Variants in ENOX1 observed in about 807,000 individuals in gnomAD.
ENOX1 encodes ecto-NOX disulfide-thiol exchanger 1.
A neutral mutation model predicts 82.5 loss-of-function variants in ENOX1; 42 were observed. That is an observed-to-expected ratio of 0.51 (90% CI 0.40 to 0.66). The LOEUF is 0.66. Among genes scored for constraint, ENOX1 ranks in the 30% least tolerant of loss-of-function variants. ENOX1 has a pLI of 0.00. For synonymous variants in ENOX1, 271 were observed against 282.2 expected, an observed-to-expected ratio of 0.96 and a Z score of 0.40; for missense variants, 608 against 811.6, an observed-to-expected ratio of 0.75 and a Z score of 3.05.
intron 11 of ENOX1, among the ~76,000 whole-genome samples, chr13:43,300,107 C>T (rs142488523): frequency 2.9e-3 from 440 of 152,270 alleles, no homozygotes; most frequent in African/African-American, 9.3e-3. Flanking sequence ...TCAGACAGAA[C>T]ATGCAATTAC....
In ENOX1 at chr13:43,269,555, T is replaced by C; in HGVS notation, c.1469A>G (p.Glu490Gly). The C allele has an allele frequency of 6.2e-7, 1 of 1,613,854 alleles. No individual in the cohort carries two copies. The highest frequency in any genetic ancestry group is 8.5e-7 in the Non-Finnish European group (1 of 1,179,764). Residue 490 changes from glutamate (E) to glycine (G), a missense_variant, in exon 13 of 17, where the codon GAG (glutamate) becomes GGG (glycine). Physicochemically the swap from Glu to Gly is moderately conservative, Grantham distance 98 (BLOSUM62 -2). Coordinates refer to ENST00000690772, the MANE Select transcript of ENOX1 (RefSeq NM_001347969.2). ...CAATTCTGACTTTTTGTTGTTTAAC[T>C]CCTCCTGGATGGTTAGCAATTGCTG... ...MQQQLLTIQE[E>G]LNNKKSELEQ...
At position 43,224,109 on chromosome 13, in the gene ENOX1, G is replaced by T. The variant is rs2041921239; in HGVS notation, c.1744C>A (p.Pro582Thr). Residue 582 changes from proline to threonine, a missense_variant, in exon 16 of 17, where the codon CCT (proline) becomes ACT (threonine). Physicochemically the swap from Pro to Thr is conservative, Grantham distance 38 (BLOSUM62 -1). Coordinates refer to ENST00000690772, the MANE Select transcript of ENOX1 (RefSeq NM_001347969.2). The part of the protein sequence containing the change: ...GIISTFLHVH[P>T]FGANIEYLWS... ...AGATATTCTATGTTGGCTCCAAAAG[G>T]ATGGACGTGAAGAAACGTTGATATG... 6.2e-7 allele frequency: 1 copy of T among 1,613,870 alleles called. No homozygotes were observed. The highest frequency in any genetic ancestry group is 1.3e-5 in the African/African-American group (1 of 74,916).
intron 11 of ENOX1, among the ~76,000 whole-genome samples, chr13:43,309,617 CCA>C (rs1338528994): frequency 6.6e-6 from 1 of 152,178 alleles, no homozygotes; most frequent in East Asian, 1.9e-4. Flanking sequence ...CTTTTTATCC[CCA>C]GAGTTCGAGT....
At chr13:43,461,807 T>C (rs959691939) in intron 3 of ENOX1, among the ~76,000 whole-genome samples, 8 of 152,230 alleles carry the variant, frequency 5.3e-5, no homozygotes, top group African/African-American at 1.7e-4. Flanking sequence ...TTTTGAGCCA[T>C]GCAAACTGTA....
intron 14 of ENOX1, among the ~76,000 whole-genome samples, chr13:43,257,786 T>C (rs774243200): frequency 1.3e-5 from 2 of 152,258 alleles, no homozygotes; most frequent in Admixed American, 6.5e-5. Flanking sequence ...AGGATTATCA[T>C]GAACCTTTCT....
intron 2 of ENOX1, among the ~76,000 whole-genome samples, chr13:43,536,022 G>A (rs759789421): frequency 6.6e-6 from 1 of 152,000 alleles, no homozygotes; most frequent in Non-Finnish European, 1.5e-5. Context: ...GTTCAGAAAT[G>A]AGGTTCTGTC....
intron 15 of ENOX1, among the ~76,000 whole-genome samples, chr13:43,235,260 T>A (rs1390202148): frequency 1.3e-5 from 2 of 151,910 alleles, no homozygotes; most frequent in Non-Finnish European, 2.9e-5. Context: ...AAAAAAAAAA[T>A]AATTGGTTTT....
chr13:43,405,933 A>G (rs556981432), intron 5 of ENOX1, among the ~76,000 whole-genome samples: 1 of 152,098 alleles, frequency 6.6e-6, no homozygotes, highest in African/African-American at 2.4e-5. Flanking sequence ...TATCATGTTA[A>G]TTTGTTTTTG....
Position 43,213,760 on chromosome 13 carries a change from T to C in ENOX1, c.*230A>G, listed in dbSNP as rs546141981. On this transcript the variant is annotated 3_prime_UTR_variant, in exon 17 of 17. Transcript: ENST00000690772. ...TTATGACTGTGGAATCATTGTTTGG[T>C]TTTCATAGGAAACAGATCTGTCACA... 6.5e-5 allele frequency: 21 copies of C among 320,982 alleles called. No individual in the cohort carries two copies. In the East Asian group the frequency reaches 1.3e-3, roughly 19 times the overall value. 19.9% of individuals were successfully genotyped at this position (320,982 alleles called of 1,614,324 possible). A position where few individuals can be genotyped will look rare whatever the true frequency, so the allele number is the denominator to read the frequency against.
chr13:43,538,104 G>C (rs985220190), intron 2 of ENOX1, among the ~76,000 whole-genome samples: 6 of 152,222 alleles, frequency 3.9e-5, no homozygotes, highest in African/African-American at 1.4e-4. Flanking sequence ...CAACCCATCT[G>C]ATCAGGCTGC....
chr13:43,372,345 T>C (rs78307490), intron 5 of ENOX1, among the ~76,000 whole-genome samples: 1,805 of 152,338 alleles, frequency 0.012, 30 homozygotes, highest in African/African-American at 0.04. Flanking sequence ...ATGGACAGAA[T>C]TGGTCTTTGA....
intron 2 of ENOX1, among the ~76,000 whole-genome samples, chr13:43,594,455 T>C (rs979594728): frequency 2.0e-5 from 3 of 152,226 alleles, no homozygotes; most frequent in Non-Finnish European, 2.9e-5. Context: ...TATTCTTTTG[T>C]TTACTTAGCA....
At chr13:43,610,998 G>A (rs2082176805) in intron 2 of ENOX1, among the ~76,000 whole-genome samples, 1 of 152,108 alleles carries the variant, frequency 6.6e-6, no homozygotes, top group Non-Finnish European at 1.5e-5. Flanking sequence ...GTTCAGGAAT[G>A]CCAATAATTT....
At chr13:43,554,042 C>A (rs1321557573) in intron 2 of ENOX1, among the ~76,000 whole-genome samples, 1 of 152,186 alleles carries the variant, frequency 6.6e-6, no homozygotes, top group Admixed American at 6.5e-5. Context: ...AGCCACTGCG[C>A]CTGGCTGAGA....
At chr13:43,634,425 C>T (rs893421170) in intron 2 of ENOX1, among the ~76,000 whole-genome samples, 3 of 152,170 alleles carry the variant, frequency 2.0e-5, no homozygotes, top group Non-Finnish European at 2.9e-5. Context: ...GGATTTCATT[C>T]TTCTTCTCCA....
intron 5 of ENOX1, among the ~76,000 whole-genome samples, chr13:43,366,282 C>CTTT (rs71671308): frequency 6.7e-6 from 1 of 148,876 alleles, no homozygotes; most frequent in South Asian, 2.1e-4. Context: ...GGCTGACCAG[C>CTTT]TTTTTTTTTT....
intron 2 of ENOX1, among the ~76,000 whole-genome samples, chr13:43,645,489 T>C (rs1350305767): frequency 2.0e-5 from 3 of 152,190 alleles, no homozygotes; most frequent in African/African-American, 7.2e-5. Context: ...TCAATTGGCA[T>C]CATCCATTGT....
intron 14 of ENOX1, among the ~76,000 whole-genome samples, chr13:43,261,374 G>A (rs2044048380): frequency 6.6e-6 from 1 of 152,156 alleles, no homozygotes. Flanking sequence ...CCAGAAGTTT[G>A]AAGCTCCCTG....
intron 12 of ENOX1, 46 bp downstream of exon 12, chr13:43,298,300 C>T (rs1208012456): frequency 2.0e-6 from 3 of 1,519,586 alleles, no homozygotes; most frequent in Non-Finnish European, 1.7e-6. Flanking sequence ...ATTTAATACA[C>T]ATATCTCTTT....
Sources: allele counts gnomAD v4.1 joint callset (sites outside exome capture counted in the v4.1 genomes callset), GRCh38; gene constraint gnomAD v4.1.1; transcripts MANE v1.5; gene names NCBI Gene and HGNC (gene_info 2026-07-23, HGNC 2026-07-21).